NXPE2: variants seen among roughly 807,000 people sequenced by gnomAD.
The protein encoded by NXPE2 is neurexophilin and PC-esterase domain family member 2.
Under a neutral mutation model 34.4 loss-of-function variants are expected in NXPE2, and 34 were observed. The observed-to-expected ratio is 0.99, with a 90% confidence interval of 0.75 to 1.31. NXPE2 has a LOEUF of 1.31. NXPE2 is among the 40% of genes most tolerant of loss of function. NXPE2 has a pLI of 0.00. For missense variants in NXPE2, 649 were observed against 672.5 expected (o/e 0.97, Z 0.39); for synonymous variants, 235 against 231.3 (o/e 1.02, Z -0.15).
At chr11:114,789,958 C>T in the NXPE2 span, among the ~76,000 whole-genome samples, 12 of 152,302 alleles carry the variant, frequency 7.9e-5, no homozygotes, top group East Asian at 5.8e-4. Flanking sequence ...TGCTGATGGA[C>T]GAATTCAGAG....
the NXPE2 span, among the ~76,000 whole-genome samples, chr11:114,671,173 A>G: frequency 6.6e-6 from 1 of 150,854 alleles, no homozygotes; most frequent in Admixed American, 6.6e-5. Flanking sequence ...GTGATACTTA[A>G]CAGTAGATTT....
At chr11:114,550,023 A>G in the NXPE2 span, among the ~76,000 whole-genome samples, 1 of 152,160 alleles carries the variant, frequency 6.6e-6, no homozygotes, top group African/African-American at 2.4e-5. Context: ...CGTGTCCAAG[A>G]TTTATATGAG....
the NXPE2 span, chr11:114,528,845 A>T: frequency 1.5e-6 from 1 of 674,726 alleles, no homozygotes; most frequent in Non-Finnish European, 2.7e-6. Flanking sequence ...GAGAAGAGAA[A>T]GGATCAGCAT....
At chr11:114,570,930 T>G in the NXPE2 span, 1 of 1,547,678 alleles carries the variant, frequency 6.5e-7, no homozygotes, top group South Asian at 1.2e-5. Flanking sequence ...TTCAGACTTT[T>G]GTGTTATTTA....
the NXPE2 span, among the ~76,000 whole-genome samples, chr11:114,727,774 A>AACACACACACACACACACAC: frequency 7.1e-5 from 9 of 127,638 alleles, no homozygotes; most frequent in East Asian, 5.1e-4. Flanking sequence ...ATGTGTACAC[A>AACACACACACACACACACAC]ACACACACAC....
chr11:114,744,490 C>A, the NXPE2 span, among the ~76,000 whole-genome samples: 6 of 152,042 alleles, frequency 3.9e-5, no homozygotes, highest in African/African-American at 1.4e-4. Flanking sequence ...ACTTAGAGTA[C>A]AAAATCTCTT....
chr11:114,533,572 G>A, the NXPE2 span, among the ~76,000 whole-genome samples: 6 of 152,298 alleles, frequency 3.9e-5, no homozygotes, highest in South Asian at 6.2e-4. Context: ...CTGGAAAATC[G>A]GGTCACTCCC....
the NXPE2 span, among the ~76,000 whole-genome samples, chr11:114,800,097 A>G: frequency 6.6e-6 from 1 of 152,108 alleles, no homozygotes; most frequent in African/African-American, 2.4e-5. Flanking sequence ...TTTCTTTCCA[A>G]CATTCTTCCA....
chr11:114,505,845 A>G, the NXPE2 span, among the ~76,000 whole-genome samples: 1 of 152,198 alleles, frequency 6.6e-6, no homozygotes, highest in Non-Finnish European at 1.5e-5. Flanking sequence ...CAACATCATG[A>G]TGACAGAATT....
At chr11:114,544,662 T>A in the NXPE2 span, among the ~76,000 whole-genome samples, 1 of 152,138 alleles carries the variant, frequency 6.6e-6, no homozygotes, top group Admixed American at 6.5e-5. Context: ...ACTTGAGCTG[T>A]TGATGAGGTT....
the NXPE2 span, among the ~76,000 whole-genome samples, chr11:114,790,658 T>C: frequency 6.6e-6 from 1 of 152,172 alleles, no homozygotes; most frequent in East Asian, 1.9e-4. Context: ...TCCCTGCTCC[T>C]CAACCATGGG....
the NXPE2 span, among the ~76,000 whole-genome samples, chr11:114,625,101 A>G: frequency 6.6e-6 from 1 of 152,106 alleles, no homozygotes; most frequent in Non-Finnish European, 1.5e-5. Flanking sequence ...CTGGTGGATA[A>G]TAAGTATTGC....
the NXPE2 span, among the ~76,000 whole-genome samples, chr11:114,624,805 T>G: frequency 1.3e-5 from 2 of 152,162 alleles, no homozygotes; most frequent in African/African-American, 4.8e-5. Context: ...ACCCGGTGGA[T>G]AGTAAGTATT....
chr11:114,712,029 A>T (rs1186594923), downstream of NXPE2, among the ~76,000 whole-genome samples: 2 of 152,176 alleles, frequency 1.3e-5, no homozygotes, highest in Non-Finnish European at 2.9e-5. Context: ...AACAAATAGT[A>T]TTGGGAAAAC....
chr11:114,795,709 C>A, the NXPE2 span, among the ~76,000 whole-genome samples: 12 of 152,194 alleles, frequency 7.9e-5, no homozygotes, highest in Admixed American at 2.6e-4. Flanking sequence ...CCCTTGCTGG[C>A]AAATTGTTCT....
the NXPE2 span, among the ~76,000 whole-genome samples, chr11:114,538,710 A>C: frequency 1.3e-5 from 2 of 152,228 alleles, no homozygotes; most frequent in Non-Finnish European, 2.9e-5. Context: ...CCATCAGAGA[A>C]ATGCAAATCA....
At chr11:114,509,518 AC>A in the NXPE2 span, among the ~76,000 whole-genome samples, 1 of 152,230 alleles carries the variant, frequency 6.6e-6, no homozygotes, top group African/African-American at 2.4e-5. Flanking sequence ...CATGGAATCA[AC>A]CCAAATGCCC....
the NXPE2 span, among the ~76,000 whole-genome samples, chr11:114,558,507 A>G: frequency 2.0e-5 from 3 of 152,184 alleles, no homozygotes; most frequent in East Asian, 3.8e-4. Context: ...CTCTTTTAAG[A>G]AAGTTTGTGA....
the NXPE2 span, among the ~76,000 whole-genome samples, chr11:114,481,026 G>A: frequency 2.6e-5 from 4 of 152,070 alleles, no homozygotes; most frequent in African/African-American, 4.8e-5. Flanking sequence ...TGGATTTGTC[G>A]AGGTCCCGTC....
Sources: allele counts gnomAD v4.1 joint callset (sites outside exome capture counted in the v4.1 genomes callset), GRCh38; gene constraint gnomAD v4.1.1; transcripts MANE v1.5; gene names NCBI Gene and HGNC (gene_info 2026-07-23, HGNC 2026-07-21).